Variants in CTNNA3 observed in about 807,000 individuals in gnomAD.
CTNNA3 encodes the protein catenin alpha 3.
CTNNA3 carries 76 observed loss-of-function variants against 95.7 expected under a neutral mutation model. The observed-to-expected ratio is 0.79, with a 90% CI of 0.66 to 0.96. The LOEUF is 0.96. Ranked by LOEUF, CTNNA3 falls within the 40% of genes least tolerant of loss-of-function variation. The pLI, the probability that CTNNA3 is intolerant of heterozygous loss-of-function variation, is 0.00. For synonymous variants in CTNNA3, 431 were observed against 374.4 expected (o/e 1.15, Z -1.74); for missense variants, 1,191 against 1,089.8 (o/e 1.09, Z -1.31).
intron 5 of CTNNA3, among the ~76,000 whole-genome samples, chr10:67,512,337 G>T (rs1112342): frequency 0.4 from 60,311 of 151,896 alleles, 15,295 homozygotes; most frequent in African/African-American, 0.69. Flanking sequence ...TCCTAAAATA[G>T]ATTTTAAAAA....
chr10:66,500,062 A>G (rs1177632119), intron 11 of CTNNA3, among the ~76,000 whole-genome samples: 1 of 152,028 alleles, frequency 6.6e-6, no homozygotes, highest in East Asian at 1.9e-4. Flanking sequence ...CGGCCTCCCA[A>G]AGTGCTAGGA....
chr10:66,353,803 C>T (rs925282002), intron 12 of CTNNA3, among the ~76,000 whole-genome samples: 7 of 151,422 alleles, frequency 4.6e-5, no homozygotes, highest in African/African-American at 1.2e-4. Context: ...GGAAAGGGAT[C>T]GCTGAGATAA....
intron 1 of CTNNA3, among the ~76,000 whole-genome samples, chr10:67,668,199 G>C (rs1156734778): frequency 1.3e-5 from 2 of 151,866 alleles, no homozygotes; most frequent in East Asian, 3.9e-4. Flanking sequence ...AAAAATTAAG[G>C]ATAACGCTTA....
intron 13 of CTNNA3, among the ~76,000 whole-genome samples, chr10:66,188,455 A>T (rs1196658727): frequency 6.6e-6 from 1 of 151,482 alleles, no homozygotes; most frequent in Non-Finnish European, 1.5e-5. Flanking sequence ...AAGATTCCAT[A>T]TATAAGTGAG....
At chr10:67,201,899 G>C (rs1199454965) in intron 6 of CTNNA3, among the ~76,000 whole-genome samples, 1 of 152,070 alleles carries the variant, frequency 6.6e-6, no homozygotes, top group East Asian at 1.9e-4. Context: ...GCAACCTCAG[G>C]TAATTAAACC....
At chr10:66,668,438 G>GTGTA (rs1846537427) in intron 9 of CTNNA3, among the ~76,000 whole-genome samples, 1 of 151,782 alleles carries the variant, frequency 6.6e-6, no homozygotes, top group South Asian at 2.1e-4. Flanking sequence ...GTGTGTGTGT[G>GTGTA]TGTGTGTGTG....
chr10:67,420,729 A>C (rs1253306631), intron 5 of CTNNA3, among the ~76,000 whole-genome samples: 1 of 151,938 alleles, frequency 6.6e-6, no homozygotes, highest in South Asian at 2.1e-4. Context: ...TATTATCTTC[A>C]GTTATATTTC....
intron 14 of CTNNA3, among the ~76,000 whole-genome samples, chr10:66,083,794 A>G (rs190276130): frequency 9.2e-5 from 14 of 152,232 alleles, no homozygotes; most frequent in African/African-American, 2.9e-4. Flanking sequence ...GGGTTTTCTT[A>G]TTATGGCTTT....
At chr10:66,752,000 A>G (rs907502585) in intron 9 of CTNNA3, among the ~76,000 whole-genome samples, 16 of 152,308 alleles carry the variant, frequency 1.1e-4, no homozygotes, top group South Asian at 2.1e-4. Flanking sequence ...TGGAGAACTC[A>G]ATACTGTTAA....
chr10:66,726,347 C>G (rs1438629865), intron 9 of CTNNA3, among the ~76,000 whole-genome samples: 1 of 151,940 alleles, frequency 6.6e-6, no homozygotes, highest in Non-Finnish European at 1.5e-5. Context: ...CAATATCTCG[C>G]CAACTTATTA....
intron 11 of CTNNA3, among the ~76,000 whole-genome samples, chr10:66,483,262 A>C (rs1283070632): frequency 6.6e-6 from 1 of 152,196 alleles, no homozygotes; most frequent in East Asian, 1.9e-4. Flanking sequence ...AGATTGTGGA[A>C]AACAAGAATG....
chr10:66,602,663 T>A (rs1045378424), intron 10 of CTNNA3, among the ~76,000 whole-genome samples: 1 of 151,896 alleles, frequency 6.6e-6, no homozygotes, highest in African/African-American at 2.4e-5. Flanking sequence ...CGCAGACCAA[T>A]ATATCTGACA....
At chr10:67,294,466 A>T (rs571572079) in intron 5 of CTNNA3, among the ~76,000 whole-genome samples, 78 of 152,224 alleles carry the variant, frequency 5.1e-4, no homozygotes, top group African/African-American at 1.7e-3. Flanking sequence ...GATTTTTTTT[A>T]AAAATCACAC....
At chr10:67,320,027 T>C (rs528516867) in intron 5 of CTNNA3, among the ~76,000 whole-genome samples, 1 of 152,154 alleles carries the variant, frequency 6.6e-6, no homozygotes, top group Non-Finnish European at 1.5e-5. Context: ...ACTAGGCACA[T>C]GTCCTCAGAA....
intron 13 of CTNNA3, among the ~76,000 whole-genome samples, chr10:66,212,729 C>G (rs760307837): frequency 6.6e-6 from 1 of 152,090 alleles, no homozygotes; most frequent in Non-Finnish European, 1.5e-5. Context: ...TTTGGGCAAG[C>G]ATGGTGGCTC....
chr10:66,237,065 C>G (rs538703239), intron 13 of CTNNA3, among the ~76,000 whole-genome samples: 9 of 152,166 alleles, frequency 5.9e-5, no homozygotes, highest in African/African-American at 1.9e-4. Context: ...GGAGTTCAAG[C>G]CTGCCATGAG....
intron 16 of CTNNA3, among the ~76,000 whole-genome samples, chr10:65,978,611 C>A (rs1464537943): frequency 6.6e-6 from 1 of 152,090 alleles, no homozygotes; most frequent in Non-Finnish European, 1.5e-5. Flanking sequence ...ATCCATGTAA[C>A]TACTGTGTTA....
intron 2 of CTNNA3, among the ~76,000 whole-genome samples, chr10:67,637,141 A>C (rs1229427012): frequency 6.6e-6 from 1 of 152,228 alleles, no homozygotes; most frequent in Non-Finnish European, 1.5e-5. Context: ...ATGGCTAACT[A>C]GAATACCCAA....
chr10:66,109,515 A>C (rs2082037903), intron 13 of CTNNA3, among the ~76,000 whole-genome samples: 1 of 152,218 alleles, frequency 6.6e-6, no homozygotes, highest in Non-Finnish European at 1.5e-5. Context: ...TTGGAGGCTT[A>C]GGAATCACCC....
Sources: allele counts gnomAD v4.1 joint callset (sites outside exome capture counted in the v4.1 genomes callset), GRCh38; gene constraint gnomAD v4.1.1; transcripts MANE v1.5; gene names NCBI Gene and HGNC (gene_info 2026-07-23, HGNC 2026-07-21).